Variants in ZNF536 observed in about 807,000 individuals in gnomAD.
ZNF536 encodes zinc finger protein 536.
ZNF536 carries 13 observed loss-of-function variants against 84.5 expected under a neutral mutation model. The ratio of observed to expected loss-of-function variants is 0.15; its 90% CI spans 0.10 to 0.24. ZNF536 has a LOEUF of 0.24. Among genes scored for constraint, ZNF536 ranks in the 10% least tolerant of loss-of-function variants. The pLI is 1.00. For synonymous variants in ZNF536, 811 were observed against 742.5 expected, an observed-to-expected ratio of 1.09 and a Z score of -1.50; for missense variants, 1,536 against 1,747.5, an observed-to-expected ratio of 0.88 and a Z score of 2.16.
At position 30,445,113 on chromosome 19, in the gene ZNF536, C is replaced by A. The variant is rs143692098; in HGVS notation, c.1551C>A (p.Pro517=). The A allele has an allele frequency of 1.2e-6, 2 of 1,613,906 alleles. No individual in the cohort carries two copies. The highest frequency in any genetic ancestry group is 2.2e-5 in the South Asian group (2 of 91,080). The stretch of plus-strand genomic sequence containing the variant: ...CTGCCAAGGCTGCGGAGATGGACCC[C>A]GTGAACAGCTACCAGGCTTGGCAGC... ...QAAAKAAEMD[P]VNSYQAWQLM... is the part of the protein sequence containing the mutation. Residue 517 remains proline (P), a synonymous_variant, in exon 2 of 5, where the codon CCC becomes CCA. Transcript: ENST00000355537. This position sits in a 1 kb window ranked among gnomAD's most constrained non-coding sequence, Gnocchi z 4.5.
chr19:30,621,396 T>C (rs932500392), intron 1 of ZNF536, among the ~76,000 whole-genome samples: 6 of 151,962 alleles, frequency 3.9e-5, no homozygotes, highest in African/African-American at 1.4e-4. Context: ...GGGTGTGGCC[T>C]CTCCATGCTG....
chr19:30,326,995 T>C (rs1396189968), intron 2 of ZNF536, among the ~76,000 whole-genome samples: 1 of 151,598 alleles, frequency 6.6e-6, no homozygotes, highest in African/African-American at 2.4e-5. Flanking sequence ...TAGTCCCAGC[T>C]ACTCAGGCGC....
chr19:30,490,007 T>C (rs757817644), intron 2 of ZNF536, among the ~76,000 whole-genome samples: 1 of 152,252 alleles, frequency 6.6e-6, no homozygotes, highest in Non-Finnish European at 1.5e-5. Flanking sequence ...GGGCCAAGCA[T>C]GTGCTTCAAA....
At chr19:30,643,970 T>C (rs2049365944) in intron 1 of ZNF536, among the ~76,000 whole-genome samples, 2 of 152,216 alleles carry the variant, frequency 1.3e-5, no homozygotes, top group Admixed American at 1.3e-4. Flanking sequence ...AAGGCAAACA[T>C]TTTTTGTTAT....
chr19:30,445,531 C>G lies in ZNF536; in HGVS notation c.1969C>G (p.Arg657Gly), dbSNP rs775852776. The part of the protein sequence containing the change: ...VVHSRVHKRD[R>G]KGEEDGLHVG... ...GCACTCCCGTGTCCACAAGCGGGACCGCAAGGGCGAGGAGGATGGGCTGCA... is the reference window on the plus strand; with the variant it reads ...GCACTCCCGTGTCCACAAGCGGGACGGCAAGGGCGAGGAGGATGGGCTGCA... The change falls in exon 2 of 5, where the codon CGC becomes GGC. Residue 657 changes from arginine (R) to glycine (G), a missense_variant. Arg to Gly is a moderately radical substitution (Grantham distance 125, BLOSUM62 -2). This residue lies in a region of ZNF536 where 366 missense variants were observed against 364.4 expected (regional missense o/e 1.00). Coordinates refer to ENST00000355537, the MANE Select transcript of ZNF536 (RefSeq NM_014717.3). The surrounding 1 kb of genome is among the most constrained non-coding windows in gnomAD (Gnocchi z 4.5). The G allele has an allele frequency of 1.2e-6, 2 of 1,613,712 alleles. No homozygotes were observed. The highest frequency in any genetic ancestry group is 1.3e-5 in the African/African-American group (1 of 75,020).
intron 1 of ZNF536, among the ~76,000 whole-genome samples, chr19:30,245,632 G>A (rs770394061): frequency 7.2e-5 from 11 of 152,216 alleles, no homozygotes; most frequent in African/African-American, 1.2e-4. Flanking sequence ...CCACGAGGTC[G>A]CCGTGATGGA....
At chr19:30,676,040 T>TA (rs138301845) in intron 1 of ZNF536, among the ~76,000 whole-genome samples, 9,625 of 152,110 alleles carry the variant, frequency 0.063, 503 homozygotes, top group African/African-American at 0.14. Flanking sequence ...TAATTTTTTT[T>TA]AATAGAGATG....
intron 1 of ZNF536, among the ~76,000 whole-genome samples, chr19:30,597,625 T>C (rs919786): frequency 0.99 from 150,651 of 152,300 alleles, 74,529 homozygotes; most frequent in East Asian, 1. Flanking sequence ...CTTGCTGTCT[T>C]GGTTTCTAAA....
intron 1 of ZNF536, among the ~76,000 whole-genome samples, chr19:30,615,149 G>A (rs1266076757): frequency 2.1e-4 from 30 of 145,592 alleles, no homozygotes; most frequent in South Asian, 4.4e-4. Flanking sequence ...GTTTCACCGT[G>A]TTAGCCAGGA....
At chr19:30,261,115 G>A (rs1306255516) in intron 1 of ZNF536, among the ~76,000 whole-genome samples, 1 of 151,490 alleles carries the variant, frequency 6.6e-6, no homozygotes, top group Non-Finnish European at 1.5e-5. Flanking sequence ...TGGCTAAAAT[G>A]GTGAAACCCC....
intron 1 of ZNF536, among the ~76,000 whole-genome samples, chr19:30,695,480 A>G (rs12052087): frequency 0.36 from 55,358 of 152,054 alleles, 10,461 homozygotes; most frequent in East Asian, 0.57. Flanking sequence ...AGCTCTGCAG[A>G]CTGGGTCCTG....
At chr19:30,587,350 A>T (rs1173321891) in intron 1 of ZNF536, among the ~76,000 whole-genome samples, 1 of 152,234 alleles carries the variant, frequency 6.6e-6, no homozygotes, top group African/African-American at 2.4e-5. Context: ...AATGGCTTTA[A>T]TAGTTAACAA....
upstream of ZNF536, among the ~76,000 whole-genome samples, chr19:30,371,563 T>G (rs535192780): frequency 6.3e-4 from 95 of 151,174 alleles, 2 homozygotes; most frequent in East Asian, 0.018. Flanking sequence ...TTCTTGTTTT[T>G]TTTTTTTTGT....
chr19:30,662,553 T>A (rs973927328), intron 1 of ZNF536, among the ~76,000 whole-genome samples: 1 of 151,906 alleles, frequency 6.6e-6, no homozygotes, highest in Non-Finnish European at 1.5e-5. Context: ...GGGATAGTTT[T>A]TTGTTTTTTG....
intron 2 of ZNF536, among the ~76,000 whole-genome samples, chr19:30,313,274 C>A (rs1366637512): frequency 1.3e-5 from 2 of 152,174 alleles, no homozygotes; most frequent in Non-Finnish European, 2.9e-5. Context: ...AGTGAGCTTT[C>A]GGGTCAAACC....
intron 1 of ZNF536, among the ~76,000 whole-genome samples, chr19:30,233,895 C>T (rs1212862238): frequency 1.3e-5 from 2 of 152,188 alleles, no homozygotes; most frequent in Non-Finnish European, 2.9e-5. Context: ...AGATTTACAG[C>T]AGGACCTCTG....
intron 2 of ZNF536, among the ~76,000 whole-genome samples, chr19:30,525,769 C>T (rs79616193): frequency 0.013 from 1,921 of 152,258 alleles, 37 homozygotes; most frequent in African/African-American, 0.043. Flanking sequence ...CAAAGCCTTA[C>T]TGGAGAAGGG....
At chr19:30,544,254 C>T (rs1027386351) in intron 3 of ZNF536, among the ~76,000 whole-genome samples, 1 of 152,128 alleles carries the variant, frequency 6.6e-6, no homozygotes, top group African/African-American at 2.4e-5. Flanking sequence ...AAGAGCAATG[C>T]AGCCCTTTCA....
chr19:30,447,405 A>C (rs1353201675), intron 2 of ZNF536, among the ~76,000 whole-genome samples: 1 of 152,256 alleles, frequency 6.6e-6, no homozygotes, highest in Admixed American at 6.5e-5. Context: ...TAAGACACAT[A>C]AATCTGGTCT....
Sources: gnomAD v4.1 joint callset for allele counts (sites outside exome capture counted in the v4.1 genomes callset) on GRCh38, gnomAD v4.1.1 for gene constraint, gnomAD v4.1.1 regional missense constraint, Gnocchi (gnomAD v3.1) non-coding constraint, MANE v1.5 for transcripts, NCBI Gene and HGNC (gene_info 2026-07-23, HGNC 2026-07-21) for gene names.